Variants in IPO7 observed in about 807,000 individuals in gnomAD.
IPO7 encodes the protein importin-7.
IPO7 carries 13 observed loss-of-function variants against 136.4 expected under a neutral mutation model. The ratio of observed to expected loss-of-function variants is 0.10; its 90% CI spans 0.06 to 0.15. IPO7 has a LOEUF of 0.15. Among genes scored for constraint, IPO7 ranks in the 10% least tolerant of loss-of-function variants. The pLI is 1.00. For synonymous variants in IPO7, 403 were observed against 404.4 expected, an observed-to-expected ratio of 1.00 and a Z score of 0.04; for missense variants, 857 against 1,240.6, an observed-to-expected ratio of 0.69 and a Z score of 4.65.
At chr11:9,391,094 T>G (rs917252070) in intron 1 of IPO7, among the ~76,000 whole-genome samples, 6 of 151,570 alleles carry the variant, frequency 4.0e-5, no homozygotes, top group Non-Finnish European at 8.8e-5. Flanking sequence ...AATAAAAAAG[T>G]TTTTTTTTAA....
At chr11:9,434,772 C>T (rs1855347141) in intron 18 of IPO7, among the ~76,000 whole-genome samples, 162 bp from the exon 19 acceptor site, 2 of 152,186 alleles carry the variant, frequency 1.3e-5, no homozygotes, top group Admixed American at 1.3e-4. Flanking sequence ...GGCACTCCAT[C>T]CTGAGCAACA....
At chr11:9,388,940 A>T (rs1434104980) in intron 1 of IPO7, among the ~76,000 whole-genome samples, 1 of 152,026 alleles carries the variant, frequency 6.6e-6, no homozygotes, top group African/African-American at 2.4e-5. Context: ...ATTTTTTGTT[A>T]TTGTTATTCC....
At chr11:9,397,764 G>T (rs1284283830) in intron 1 of IPO7, among the ~76,000 whole-genome samples, 4 of 152,068 alleles carry the variant, frequency 2.6e-5, no homozygotes. Flanking sequence ...TCTGAGAAAG[G>T]TGAGAGTCTA....
At chr11:9,432,626 G>A (rs926341306) in intron 16 of IPO7, among the ~76,000 whole-genome samples, 2 of 152,246 alleles carry the variant, frequency 1.3e-5, no homozygotes, top group South Asian at 2.1e-4. Flanking sequence ...AATGTATTAA[G>A]TTCTGTATAT....
intron 3 of IPO7, 74 bp from the exon 4 acceptor site, chr11:9,409,854 A>G (rs965970417): frequency 2.6e-6 from 3 of 1,141,850 alleles, no homozygotes; most frequent in African/African-American, 1.6e-5. Flanking sequence ...CTAAACAGCT[A>G]TTTTCCTTTC....
At position 9,446,115 on chromosome 11, in the gene IPO7, G is replaced by A. The variant is rs1855524035; in HGVS notation, c.*921G>A. ...GACCTTACTGTAAAAAATAAAAAAG[G>A]TGGTATCTAGAGCATGTAAATTGGA... On this transcript the variant is annotated 3_prime_UTR_variant, in exon 25 of 25. Coordinates refer to ENST00000379719, the MANE Select transcript of IPO7 (RefSeq NM_006391.3). 2 of 152,172 alleles carry A rather than the reference G, an allele frequency of 1.3e-5. No individual in the cohort carries two copies. Among genetic ancestry groups the A allele is most frequent in the South Asian group, 4.1e-4 (2 of 4,832 alleles). 9.4% of individuals were successfully genotyped at this position (152,172 alleles called of 1,614,324 possible). A position where few individuals can be genotyped will look rare whatever the true frequency, so the allele number is the denominator to read the frequency against.
At chr11:9,435,264 C>G (rs916041468) in intron 19 of IPO7, among the ~76,000 whole-genome samples, 1 of 134,496 alleles carries the variant, frequency 7.4e-6, no homozygotes, top group Non-Finnish European at 1.7e-5. Flanking sequence ...TTAGAGTGCC[C>G]GGAGTTTAAC....
chr11:9,403,747 T>G (rs1157352317), intron 2 of IPO7, among the ~76,000 whole-genome samples: 1 of 152,268 alleles, frequency 6.6e-6, no homozygotes, highest in East Asian at 1.9e-4. Flanking sequence ...ATACTATTTT[T>G]AGTTCCTGTT....
intron 6 of IPO7, among the ~76,000 whole-genome samples, chr11:9,417,730 A>G (rs1564997886): frequency 1.4e-5 from 2 of 140,134 alleles, no homozygotes; most frequent in South Asian, 2.2e-4. Context: ...TTTTTTTTTT[A>G]AGCTGAAGTT....
intron 24 of IPO7, 84 bp downstream of exon 24, chr11:9,442,281 A>G: frequency 1.7e-6 from 1 of 582,668 alleles, no homozygotes; most frequent in Non-Finnish European, 3.0e-6. Flanking sequence ...ATATCATTAA[A>G]TTTTATCATT....
chr11:9,442,104 T>A lies in IPO7; in HGVS notation c.2926T>A (p.Trp976Arg). The A allele has an allele frequency of 6.3e-7, 1 of 1,589,078 alleles. No individual in the cohort carries two copies. Among genetic ancestry groups the A allele is most frequent in the Non-Finnish European group, 8.6e-7 (1 of 1,157,994 alleles). The change falls in exon 24 of 25, where the codon TGG (tryptophan) becomes AGG (arginine). Residue 976 changes from tryptophan (W) to arginine (R), a missense_variant. Transcript: ENST00000379719. Reference protein sequence around the residue: ...FQTIQNRNPVWYQALTHGLNE... With the variant: ...FQTIQNRNPVRYQALTHGLNE... ...AGCTATTCAAAATCGTAATCCTGTG[T>A]GGTATCAGGCACTGACTCACGGTCT...
At chr11:9,426,911 C>G (rs1247771651) in intron 12 of IPO7, among the ~76,000 whole-genome samples, 1 of 151,202 alleles carries the variant, frequency 6.6e-6, no homozygotes, top group East Asian at 1.9e-4. Flanking sequence ...GCCTCCCCGC[C>G]CCCCCGCCAT....
intron 1 of IPO7, among the ~76,000 whole-genome samples, chr11:9,397,118 G>C (rs1453448877): frequency 6.6e-6 from 1 of 150,916 alleles, no homozygotes; most frequent in Non-Finnish European, 1.5e-5. Flanking sequence ...AAAAACAGTG[G>C]TGGTTTTTGT....
chr11:9,420,719 T>C (rs761653394), intron 8 of IPO7, 21 bp downstream of exon 8: 3 of 1,504,462 alleles, frequency 2.0e-6, no homozygotes, highest in Non-Finnish European at 2.8e-6. Flanking sequence ...TTTTAGTTTT[T>C]CTCAGTGGAA....
rs571524678 is a variant in IPO7, at chr11:9,420,428, A to T, written c.744A>T (p.Glu248Asp). The change falls in exon 7 of 25, where the codon GAA (glutamate) becomes GAT (aspartate). Residue 248 changes from glutamate (E) to aspartate (D), a missense_variant. By Grantham distance (45) the Glu-to-Asp change is conservative. This residue lies in a region of IPO7 where 287 missense variants were observed against 307.5 expected (regional missense o/e 0.93). Transcript: ENST00000379719. ...RDVPNETLQV[E>D]EDDRPELPWW... is the part of the protein sequence containing the mutation. ...TTTTAAAGGAAACACTTCAAGTTGA[A>T]GAAGATGATCGACCTGAGTTACCAT... The T allele has an allele frequency of 6.8e-6, 11 of 1,609,218 alleles. No individual in the cohort carries two copies. In the East Asian group the frequency reaches 2.5e-4, roughly 36 times the overall value.
chr11:9,403,872 T>A (rs1564993856), intron 2 of IPO7, among the ~76,000 whole-genome samples: 1 of 152,136 alleles, frequency 6.6e-6, no homozygotes, highest in Non-Finnish European at 1.5e-5. Context: ...TTAATTTTTT[T>A]TATTTTTTGT....
chr11:9,441,236 C>T (rs533221946), intron 23 of IPO7, among the ~76,000 whole-genome samples: 3 of 152,154 alleles, frequency 2.0e-5, no homozygotes, highest in Non-Finnish European at 4.4e-5. Flanking sequence ...TCTGGAGCCA[C>T]GTACACTGTT....
rs1278106347 is a variant in IPO7 at position 9,433,752 on chromosome 11, C to A, written c.1980C>A (p.His660Gln). The change falls in exon 18 of 25, where the codon CAC becomes CAA. Residue 660 changes from histidine (H) to glutamine (Q), a missense_variant. By Grantham distance (24) the His-to-Gln change is conservative. Around this residue, in one of 11 missense-constraint regions of IPO7, gnomAD observed 190 missense variants for 249.0 expected, o/e 0.76. Transcript: ENST00000379719. The part of the protein sequence containing the change: ...EFYEEIFSLA[H>Q]SLTCQQVSPQ... Reference sequence around the variant, plus strand: ...ATGAGGAGATCTTCTCTTTAGCGCACAGTTTGACATGTCAACAAGTGTCTC... The same window carrying A: ...ATGAGGAGATCTTCTCTTTAGCGCAAAGTTTGACATGTCAACAAGTGTCTC... The A allele has an allele frequency of 1.2e-6, 2 of 1,612,156 alleles. No individual in the cohort carries two copies. Among genetic ancestry groups the A allele is most frequent in the Non-Finnish European group, 1.7e-6 (2 of 1,179,828 alleles).
In IPO7 at chr11:9,436,470, T is replaced by G. The variant is rs912129097; in HGVS notation, c.2268+104T>G. ...TGTTGCATATTCTGTATGTTTTTGT[T>G]TATTGAGACATCTAGACAACTAATA... On this transcript the variant is annotated intron_variant, in intron 20 of 24. Transcript: ENST00000379719. 1.2e-5 allele frequency: 8 copies of G among 676,934 alleles called. No individual in the cohort carries two copies. In the African/African-American group the frequency reaches 1.5e-4, roughly 12 times the overall value. 41.9% of individuals were successfully genotyped at this position (676,934 alleles called of 1,614,324 possible).
Sources: allele counts gnomAD v4.1 joint callset (sites outside exome capture counted in the v4.1 genomes callset), GRCh38; gene constraint gnomAD v4.1.1; regional missense constraint gnomAD v4.1.1; transcripts MANE v1.5; gene names NCBI Gene and HGNC (gene_info 2026-07-23, HGNC 2026-07-21).